IRAK4: variants seen among roughly 807,000 people sequenced by gnomAD.
IRAK4 encodes the protein interleukin 1 receptor associated kinase 4.
A neutral mutation model predicts 51.8 loss-of-function variants in IRAK4; 44 were observed. The observed-to-expected ratio is 0.85, with a 90% CI of 0.67 to 1.09. The LOEUF (loss-of-function observed/expected upper bound fraction) is 1.09, where lower values mean the gene tolerates loss of function less well. Among genes scored for constraint, IRAK4 ranks in the 50% least tolerant of loss-of-function variants. The pLI is 0.00. For missense variants in IRAK4, 487 were observed against 538.0 expected (o/e 0.91, Z 0.94); for synonymous variants, 149 against 174.1 (o/e 0.86, Z 1.13).
intron 8 of IRAK4, among the ~76,000 whole-genome samples, chr12:43,781,556 C>G (rs1161374554): frequency 1.3e-5 from 2 of 152,170 alleles, no homozygotes; most frequent in African/African-American, 2.4e-5. Flanking sequence ...AATAATCCTT[C>G]AATACTAAGC....
At chr12:43,768,572 C>T in intron 2 of IRAK4, 1 of 242,284 alleles carries the variant, frequency 4.1e-6, no homozygotes, top group Admixed American at 5.2e-5. Context: ...CTGCCTCACA[C>T]TTCTCATTTC....
intron 8 of IRAK4, 124 bp from the exon 9 acceptor site, chr12:43,782,183 T>C (rs909511617): frequency 7.6e-6 from 5 of 658,700 alleles, no homozygotes; most frequent in African/African-American, 1.8e-5. Flanking sequence ...TAAATATGTA[T>C]GTACATATGC....
rs969977387 is a variant in IRAK4 at position 43,783,737 on chromosome 12, T to C, written c.1188+13T>C. On this transcript the variant is annotated intron_variant, in intron 10 of 11. Coordinates refer to ENST00000613694, the MANE Select transcript of IRAK4 (RefSeq NM_016123.4). ...ACCTCAGTTATTGGTAAATGAAATA[T>C]TCATTTTCCTCAATCCTTTTTTCTC... The C allele has an allele frequency of 6.4e-7, 1 of 1,560,408 alleles. No homozygotes were observed.
intron 10 of IRAK4, among the ~76,000 whole-genome samples, chr12:43,785,438 T>C (rs1266251220): frequency 6.6e-6 from 1 of 151,784 alleles, no homozygotes; most frequent in African/African-American, 2.4e-5. Flanking sequence ...GGTCCAAAAG[T>C]TGGAATTGCG....
At chr12:43,782,271 A>G in intron 8 of IRAK4, 36 bp from the exon 9 acceptor site, 1 of 1,532,796 alleles carries the variant, frequency 6.5e-7, no homozygotes, top group Non-Finnish European at 9.0e-7. Context: ...GGGGTGGGAA[A>G]AACATTTTTT....
chr12:43,780,970 T>A (rs756009440), intron 8 of IRAK4, among the ~76,000 whole-genome samples: 39 of 152,194 alleles, frequency 2.6e-4, no homozygotes, highest in Non-Finnish European at 4.9e-4. Context: ...AATCCTGGAT[T>A]TTTAGTATCC....
In IRAK4 at chr12:43,783,681, CTG is replaced by C. The variant is rs764404378; in HGVS notation, c.1146_1147del (p.Gly383ThrfsTer6). ...TCATAGGTTTTACTAGAAATAATAA[CTG>C]GACTTCCAGCTGTGGATGAACACCG... On this transcript the variant is annotated frameshift_variant, in exon 10 of 12. Transcript: ENST00000613694. LOFTEE classifies it high-confidence loss of function. 1 of 1,604,974 alleles carries C rather than the reference CTG, an allele frequency of 6.2e-7. No homozygotes were observed. The highest frequency in any genetic ancestry group is 1.1e-5 in the South Asian group (1 of 90,754).
intron 6 of IRAK4, among the ~76,000 whole-genome samples, chr12:43,777,316 A>G (rs1021346096): frequency 1.3e-5 from 2 of 152,122 alleles, no homozygotes; most frequent in Non-Finnish European, 2.9e-5. Context: ...TTGAGTCCAG[A>G]TGGTCGAGGC....
At chr12:43,781,688 A>G (rs951689780) in intron 8 of IRAK4, among the ~76,000 whole-genome samples, 1 of 152,368 alleles carries the variant, frequency 6.6e-6, no homozygotes, top group East Asian at 1.9e-4. Context: ...TGTCACAGAC[A>G]AGATTTTAAG....
chr12:43,781,921 T>G (rs1423943452), intron 8 of IRAK4, among the ~76,000 whole-genome samples: 1 of 152,188 alleles, frequency 6.6e-6, no homozygotes, highest in Non-Finnish European at 1.5e-5. Context: ...TGATACATAC[T>G]AAGAAAGGAA....
At position 43,768,260 on chromosome 12, in the gene IRAK4, A is replaced by T. The variant is rs752850989; in HGVS notation, c.149A>T (p.Gln50Leu). Residue 50 changes from glutamine (Q) to leucine (L), a missense_variant, in exon 2 of 12, where the codon CAG becomes CTG. Coordinates refer to ENST00000613694, the MANE Select transcript of IRAK4 (RefSeq NM_016123.4). ...CCATCTGGTGATGATAGATACAATC[A>T]GTTTCACATAAGGTAACAGATAAAA... The part of the protein sequence containing the change: ...KKPSGDDRYN[Q>L]FHIRRFEALL... 1 of 1,608,870 alleles carries T rather than the reference A, an allele frequency of 6.2e-7. No homozygotes were observed. The highest frequency in any genetic ancestry group is 1.3e-5 in the African/African-American group (1 of 74,934).
intron 8 of IRAK4, among the ~76,000 whole-genome samples, chr12:43,781,043 C>T (rs1301410248): frequency 1.3e-5 from 2 of 152,206 alleles, no homozygotes; most frequent in East Asian, 3.9e-4. Flanking sequence ...CATTAGAAAT[C>T]AAACTCATCA....
At chr12:43,772,147 GAAAA>G in intron 3 of IRAK4, 29 bp from the exon 4 acceptor site, 1 of 1,579,622 alleles carries the variant, frequency 6.3e-7, no homozygotes, top group Non-Finnish European at 8.7e-7. Flanking sequence ...TTTTCTTACT[GAAAA>G]ACCACTTGTA....
chr12:43,780,769 C>G (rs1941710725), intron 8 of IRAK4, among the ~76,000 whole-genome samples: 1 of 152,068 alleles, frequency 6.6e-6, no homozygotes, highest in Admixed American at 6.6e-5. Flanking sequence ...TGGGGTTTCT[C>G]CATGTTGATC....
chr12:43,762,631 C>T (rs948126692), intron 1 of IRAK4, among the ~76,000 whole-genome samples: 2 of 152,124 alleles, frequency 1.3e-5, no homozygotes, highest in Non-Finnish European at 2.9e-5. Context: ...GAGCACCCAT[C>T]TAACAGAGAA....
At chr12:43,783,783 A>G in intron 10 of IRAK4, 59 bp downstream of exon 10, 1 of 1,134,760 alleles carries the variant, frequency 8.8e-7, no homozygotes, top group Non-Finnish European at 1.3e-6. Context: ...GTCTAAATTT[A>G]TATGGATAAA....
At chr12:43,774,542 C>T (rs1042515052) in intron 6 of IRAK4, among the ~76,000 whole-genome samples, 19 of 152,148 alleles carry the variant, frequency 1.2e-4, no homozygotes, top group Admixed American at 7.2e-4. Flanking sequence ...CACGCCTGGC[C>T]GCAGTCATTA....
intron 2 of IRAK4, among the ~76,000 whole-genome samples, chr12:43,770,138 G>T (rs1021916989): frequency 2.0e-5 from 3 of 152,048 alleles, no homozygotes; most frequent in African/African-American, 7.2e-5. Context: ...AACAATATTG[G>T]TTAAATTTTT....
At chr12:43,773,101 A>G (rs1940941053) in intron 5 of IRAK4, 29 bp downstream of exon 5, 2 of 1,601,428 alleles carry the variant, frequency 1.2e-6, no homozygotes, top group South Asian at 1.1e-5. Context: ...AATAAAAAGA[A>G]AGAGTTGCTT....
Sources: gnomAD v4.1 joint callset for allele counts (sites outside exome capture counted in the v4.1 genomes callset) on GRCh38, gnomAD v4.1.1 for gene constraint, MANE v1.5 for transcripts, NCBI Gene and HGNC (gene_info 2026-07-23, HGNC 2026-07-21) for gene names.